Variants in DCC observed in about 807,000 individuals in gnomAD.
The protein encoded by DCC is DCC netrin 1 receptor, also known as netrin receptor DCC.
A neutral mutation model predicts 172.5 loss-of-function variants in DCC; 58 were observed. The observed-to-expected ratio is 0.34, with a 90% confidence interval of 0.27 to 0.42. DCC has a LOEUF of 0.42. Ranked by LOEUF, DCC falls within the 10% of genes least tolerant of loss-of-function variation. The probability of loss-of-function intolerance (pLI) is 1.00; values close to 1 mark genes in which losing one functional copy is unlikely to be tolerated. For missense variants in DCC, 1,740 were observed against 1,791.0 expected, an observed-to-expected ratio of 0.97 and a Z score of 0.51; for synonymous variants, 709 against 644.5, an observed-to-expected ratio of 1.10 and a Z score of -1.52.
intron 2 of DCC, among the ~76,000 whole-genome samples, chr18:52,763,937 A>C (rs1445176806): frequency 6.6e-6 from 1 of 152,188 alleles, no homozygotes; most frequent in Non-Finnish European, 1.5e-5. Context: ...ATGGTTTATG[A>C]TTCACATATT....
At chr18:52,354,229 A>G (rs1471192200) in intron 1 of DCC, among the ~76,000 whole-genome samples, 1 of 152,184 alleles carries the variant, frequency 6.6e-6, no homozygotes, top group Non-Finnish European at 1.5e-5. Context: ...GTAAACTGGA[A>G]TAGTTTGTCA....
intron 1 of DCC, among the ~76,000 whole-genome samples, chr18:52,606,562 C>T (rs182063466): frequency 1.3e-5 from 2 of 152,028 alleles, no homozygotes; most frequent in Non-Finnish European, 2.9e-5. Flanking sequence ...TTGATGAATG[C>T]CAAAATATTC....
At chr18:53,053,035 C>T (rs1012784666) in intron 5 of DCC, among the ~76,000 whole-genome samples, 7 of 151,944 alleles carry the variant, frequency 4.6e-5, no homozygotes, top group South Asian at 2.1e-4. Flanking sequence ...CCCAGCTACT[C>T]GGAAGGCTGA....
chr18:52,963,393 G>A (rs2040876521), intron 5 of DCC, among the ~76,000 whole-genome samples: 1 of 152,020 alleles, frequency 6.6e-6, no homozygotes, highest in African/African-American at 2.4e-5. Flanking sequence ...ACCTTACCAA[G>A]TGAGCACATA....
At chr18:52,797,876 G>T (rs12970119) in intron 2 of DCC, among the ~76,000 whole-genome samples, 100,395 of 152,128 alleles carry the variant, frequency 0.66, 33,733 homozygotes, top group East Asian at 0.88. Context: ...AAGGCTGGCT[G>T]GTTCTCAAGC....
At chr18:52,656,630 CA>C (rs745614284) in intron 1 of DCC, among the ~76,000 whole-genome samples, 41 of 152,110 alleles carry the variant, frequency 2.7e-4, no homozygotes, top group Non-Finnish European at 4.7e-4. Flanking sequence ...CTAACTTGGC[CA>C]ACAGTGAGAC....
At chr18:53,371,711 A>G (rs951610589) in intron 15 of DCC, among the ~76,000 whole-genome samples, 2 of 152,038 alleles carry the variant, frequency 1.3e-5, no homozygotes, top group Admixed American at 6.6e-5. Flanking sequence ...TGTTAACCCA[A>G]TATCTAGTTG....
At chr18:52,680,857 C>A (rs55920824) in intron 1 of DCC, among the ~76,000 whole-genome samples, 61,769 of 151,922 alleles carry the variant, frequency 0.41, 12,927 homozygotes, top group Non-Finnish European at 0.47. Flanking sequence ...TAGCTGTTGC[C>A]TTTTGCCTAA....
intron 13 of DCC, among the ~76,000 whole-genome samples, chr18:53,307,502 A>G (rs978128684): frequency 3.3e-5 from 5 of 152,126 alleles, no homozygotes; most frequent in Non-Finnish European, 5.9e-5. Flanking sequence ...AATTTAATCC[A>G]AGCTCTTCCA....
chr18:53,009,027 T>C (rs148808515), intron 5 of DCC, among the ~76,000 whole-genome samples: 55 of 151,938 alleles, frequency 3.6e-4, no homozygotes, highest in African/African-American at 1.3e-3. Context: ...ATGATGAGAG[T>C]AGAATACTCT....
intron 1 of DCC, among the ~76,000 whole-genome samples, chr18:52,459,141 ACAT>A (rs1988549840): frequency 2.0e-5 from 3 of 152,070 alleles, no homozygotes; most frequent in Admixed American, 2.0e-4. Context: ...GATAACTCTC[ACAT>A]CATCAACTTA....
intron 12 of DCC, among the ~76,000 whole-genome samples, chr18:53,269,621 A>G (rs2056725348): frequency 6.6e-6 from 1 of 152,200 alleles, no homozygotes; most frequent in Admixed American, 6.5e-5. Context: ...CGCCAGGCAC[A>G]ATGCTAAGTC....
intron 2 of DCC, among the ~76,000 whole-genome samples, chr18:52,817,801 A>ATGTG (rs539209276): frequency 6.9e-6 from 1 of 145,486 alleles, no homozygotes; most frequent in Non-Finnish European, 1.5e-5. Context: ...TTATATATAT[A>ATGTG]TATGTGTGTG....
rs1318456161 is a variant in DCC at position 52,906,119 on chromosome 18, T to C, written c.488T>C (p.Val163Ala). 6.2e-7 allele frequency: 1 copy of C among 1,613,934 alleles called. No individual in the cohort carries two copies. The highest frequency in any genetic ancestry group is 8.5e-7 in the Non-Finnish European group (1 of 1,179,824). ...MGDTVLLKCE[V>A]IGEPMPTIHW... ...GACACAGTGCTACTCAAGTGTGAAG[T>C]CATTGGGGAGCCCATGCCAACAATC... is the stretch of plus-strand genomic sequence containing the variant. Residue 163 changes from valine to alanine, a missense_variant, in exon 3 of 29, where the codon GTC becomes GCC. Physicochemically the swap from Val to Ala is moderately conservative, Grantham distance 64. Around this residue, in one of 2 missense-constraint regions of DCC, gnomAD observed 1,732 missense variants for 1,767.4 expected, o/e 0.98. Transcript: ENST00000442544.
chr18:52,412,634 C>A, intron 1 of DCC, among the ~76,000 whole-genome samples: 1 of 152,068 alleles, frequency 6.6e-6, no homozygotes, highest in African/African-American at 2.4e-5. Flanking sequence ...TCTACATATT[C>A]TAATTGAACC....
At chr18:53,322,256 A>G (rs2144827404) in intron 14 of DCC, 99 bp downstream of exon 14, 1 of 734,872 alleles carries the variant, frequency 1.4e-6, no homozygotes, top group Non-Finnish European at 2.5e-6. Flanking sequence ...CTTTGGGGAC[A>G]TTGATTCTTA....
chr18:53,243,398 G>A (rs1220254591), intron 12 of DCC, among the ~76,000 whole-genome samples: 1 of 152,132 alleles, frequency 6.6e-6, no homozygotes, highest in South Asian at 2.1e-4. Context: ...TAGCAATCAC[G>A]TTTTAAGGAT....
At chr18:52,790,889 C>A (rs575150878) in intron 2 of DCC, among the ~76,000 whole-genome samples, 1 of 152,296 alleles carries the variant, frequency 6.6e-6, no homozygotes, top group South Asian at 2.1e-4. Flanking sequence ...TTCTATATAC[C>A]TATCAGGGTC....
chr18:52,984,386 A>G (rs978299267), intron 5 of DCC, among the ~76,000 whole-genome samples: 6 of 152,080 alleles, frequency 3.9e-5, no homozygotes, highest in Non-Finnish European at 7.4e-5. Flanking sequence ...TTGAGAAACC[A>G]CTCATTGGAT....
Sources: gnomAD v4.1 joint callset for allele counts (sites outside exome capture counted in the v4.1 genomes callset) on GRCh38, gnomAD v4.1.1 for gene constraint, gnomAD v4.1.1 regional missense constraint, MANE v1.5 for transcripts, NCBI Gene and HGNC (gene_info 2026-07-23, HGNC 2026-07-21) for gene names.